The following DSCAML1 variants were observed in gnomAD, a reference collection of about 807,000 sequenced individuals.
DSCAML1 encodes the protein cell adhesion molecule DSCAML1.
DSCAML1 carries 38 observed loss-of-function variants against 200.5 expected under a neutral mutation model. The observed-to-expected ratio is 0.19, with a 90% CI of 0.15 to 0.25. DSCAML1 has a LOEUF of 0.25. Ranked by LOEUF, DSCAML1 falls within the 10% of genes least tolerant of loss-of-function variation. The pLI is 1.00. For missense variants in DSCAML1, 2,223 were observed against 2,858.8 expected (o/e 0.78, Z 5.07); for synonymous variants, 1,215 against 1,165.0 (o/e 1.04, Z -0.87).
chr11:117,435,909 G>C, intron 26 of DSCAML1, 110 bp from the exon 27 acceptor site: 1 of 1,227,156 alleles, frequency 8.1e-7, no homozygotes, highest in East Asian at 2.5e-5. Context: ...CTTGGGCTCT[G>C]ACCTCCACCT....
At position 117,516,873 on chromosome 11, in the gene DSCAML1, T is replaced by TG; in HGVS notation, c.1511-135dup. On this transcript the variant is annotated intron_variant, in intron 7 of 32. Coordinates refer to ENST00000651296, the MANE Select transcript of DSCAML1 (RefSeq NM_020693.4). This position sits in a 1 kb window ranked among gnomAD's most constrained non-coding sequence, Gnocchi z 5.7. ...GAGACTTTCGGGGGCGGACATTTGG[T>TG]GGGGGCACAGGGATGCCTTTTTACA... 8.9e-7 allele frequency: 1 copy of TG among 1,126,052 alleles called. No individual in the cohort carries two copies. Among genetic ancestry groups the TG allele is most frequent in the Non-Finnish European group, 1.2e-6 (1 of 811,796 alleles). 69.8% of individuals were successfully genotyped at this position (1,126,052 alleles called of 1,614,324 possible).
At chr11:117,716,904 C>A (rs905723403) in intron 3 of DSCAML1, among the ~76,000 whole-genome samples, 5 of 152,052 alleles carry the variant, frequency 3.3e-5, no homozygotes, top group African/African-American at 4.8e-5. Flanking sequence ...GTGGCTTGCA[C>A]GGCCTGAAAT....
chr11:117,660,638 A>G (rs1462308410), intron 3 of DSCAML1, among the ~76,000 whole-genome samples: 1 of 152,160 alleles, frequency 6.6e-6, no homozygotes, highest in African/African-American at 2.4e-5. Flanking sequence ...AATGTTGTAA[A>G]CAACGTAAGT....
chr11:117,484,774 G>A lies in DSCAML1; in HGVS notation c.2360-2612C>T, dbSNP rs532659907. Among the ~76,000 whole-genome samples the A allele has an allele frequency of 3.9e-5, 6 of 152,318 alleles. No individual in the cohort carries two copies. In the South Asian group the frequency reaches 6.2e-4, roughly 16 times the overall value. The stretch of plus-strand genomic sequence containing the variant: ...TTGAGCTCGGGTGTCGGGGAGGCTC[G>A]TAAGCGGACTGGGGACTGGGACCCC... On this transcript the variant is annotated intron_variant, in intron 11 of 32. Transcript: ENST00000651296.
rs1234536773 is a variant in DSCAML1, at chr11:117,437,183, A to G, written c.4659T>C (p.Ala1553=). The stretch of plus-strand genomic sequence containing the variant: ...CATTGCCGCAGCCCGCACTGTTGCA[A>G]GCCCTCATGCGCAGCTCGTACCACG... ...EATWYELRMR[A]CNSAGCGNET... Residue 1553 remains alanine, a synonymous_variant, in exon 26 of 33, where the codon GCT becomes GCC. Transcript: ENST00000651296. The surrounding 1 kb of genome is among the most constrained non-coding windows in gnomAD (Gnocchi z 5.3). 2 of 1,614,034 alleles carry G rather than the reference A, an allele frequency of 1.2e-6. No homozygotes were observed. The highest frequency in any genetic ancestry group is 1.7e-6 in the Non-Finnish European group (2 of 1,180,042).
chr11:117,662,797 C>T (rs1293405125), intron 3 of DSCAML1, among the ~76,000 whole-genome samples: 1 of 152,288 alleles, frequency 6.6e-6, no homozygotes, highest in East Asian at 1.9e-4. Flanking sequence ...ACCCAGCGTG[C>T]TTACTTAAAA....
At chr11:117,590,042 T>A (rs1463532361) in intron 3 of DSCAML1, among the ~76,000 whole-genome samples, 1 of 152,208 alleles carries the variant, frequency 6.6e-6, no homozygotes, top group Non-Finnish European at 1.5e-5. Context: ...CCAAATACTA[T>A]CTGCATTGTT....
chr11:117,702,124 C>T (rs548892834), intron 3 of DSCAML1, among the ~76,000 whole-genome samples: 2 of 152,284 alleles, frequency 1.3e-5, no homozygotes, highest in Admixed American at 1.3e-4. Flanking sequence ...CCCAGTCCAC[C>T]CTCCTTCCTC....
intron 3 of DSCAML1, among the ~76,000 whole-genome samples, chr11:117,572,030 T>G (rs1234827196): frequency 6.6e-6 from 1 of 152,224 alleles, no homozygotes; most frequent in East Asian, 1.9e-4. Flanking sequence ...AATCCACCCC[T>G]TGTTTAGCAA....
chr11:117,600,735 G>T (rs564854704), intron 3 of DSCAML1, among the ~76,000 whole-genome samples: 1 of 152,216 alleles, frequency 6.6e-6, no homozygotes, highest in Non-Finnish European at 1.5e-5. Flanking sequence ...GCTGGTAGCC[G>T]TGCCACGTGG....
intron 1 of DSCAML1, among the ~76,000 whole-genome samples, chr11:117,812,350 A>T (rs1186154152): frequency 6.6e-6 from 1 of 152,050 alleles, no homozygotes; most frequent in East Asian, 1.9e-4. Flanking sequence ...CTCTCCTTAC[A>T]ATTCCCCCAT....
At chr11:117,444,197 G>A (rs373276329) in intron 20 of DSCAML1, among the ~76,000 whole-genome samples, 158 bp from the exon 21 acceptor site, 2 of 152,198 alleles carry the variant, frequency 1.3e-5, no homozygotes, top group African/African-American at 2.4e-5. Context: ...GAGATGCAGC[G>A]GACAGAGTGT....
intron 3 of DSCAML1, among the ~76,000 whole-genome samples, chr11:117,683,980 G>C (rs914243161): frequency 3.9e-5 from 6 of 152,164 alleles, no homozygotes; most frequent in Non-Finnish European, 8.8e-5. Flanking sequence ...TATGTGTGCT[G>C]TTGTCATCCT....
intron 3 of DSCAML1, among the ~76,000 whole-genome samples, chr11:117,653,248 G>A (rs924792213): frequency 1.3e-5 from 2 of 152,176 alleles, no homozygotes; most frequent in African/African-American, 2.4e-5. Context: ...TGGTCGCCAT[G>A]AGCCACAGTC....
chr11:117,710,425 G>A (rs1256520175), intron 3 of DSCAML1, among the ~76,000 whole-genome samples: 1 of 152,148 alleles, frequency 6.6e-6, no homozygotes, highest in Non-Finnish European at 1.5e-5. Flanking sequence ...ATGGCATCCT[G>A]GCTATGGACA....
rs759085074 is a variant in DSCAML1, at chr11:117,505,509, G to A, written c.2007C>T (p.Cys669=). ...CGGTGGCGGCTGCGTTGCTGGCGAT[G>A]CATGTATAGTTGCCGTTGTGCTTGA... The part of the protein sequence containing the change: ...VSLKHNGNYT[C]IASNAAATVS... Residue 669 remains cysteine, a synonymous_variant, in exon 9 of 33, where the codon TGC becomes TGT. Coordinates refer to ENST00000651296, the MANE Select transcript of DSCAML1 (RefSeq NM_020693.4). The surrounding 1 kb of genome is among the most constrained non-coding windows in gnomAD (Gnocchi z 6.7). The A allele has an allele frequency of 8.1e-6, 13 of 1,613,116 alleles. No individual in the cohort carries two copies. Among genetic ancestry groups the A allele is most frequent in the South Asian group, 6.6e-5 (6 of 91,074 alleles).
At chr11:117,484,486 A>C (rs186081683) in intron 11 of DSCAML1, among the ~76,000 whole-genome samples, 256 of 152,344 alleles carry the variant, frequency 1.7e-3, no homozygotes, top group African/African-American at 5.7e-3. Flanking sequence ...TTTATAATGC[A>C]CGGCATTACA....
intron 3 of DSCAML1, among the ~76,000 whole-genome samples, chr11:117,718,159 T>G (rs764257147): frequency 2.0e-5 from 3 of 152,260 alleles, no homozygotes; most frequent in Non-Finnish European, 2.9e-5. Flanking sequence ...CCTGCCTGTA[T>G]GCGAGGTCAG....
At chr11:117,805,415 T>C (rs2055700408) in intron 1 of DSCAML1, among the ~76,000 whole-genome samples, 1 of 152,216 alleles carries the variant, frequency 6.6e-6, no homozygotes, top group South Asian at 2.1e-4. Context: ...CAGAAAAAGA[T>C]CTAACATAGC....
Sources: allele counts gnomAD v4.1 joint callset (sites outside exome capture counted in the v4.1 genomes callset), GRCh38; gene constraint gnomAD v4.1.1; non-coding constraint Gnocchi (gnomAD v3.1); transcripts MANE v1.5; gene names NCBI Gene and HGNC (gene_info 2026-07-23, HGNC 2026-07-21).